ADAMTS16: variants seen among roughly 807,000 people sequenced by gnomAD.
ADAMTS16 encodes ADAM metallopeptidase with thrombospondin type 1 motif 16, also known as A disintegrin and metalloproteinase with thrombospondin motifs 16.
ADAMTS16 carries 94 observed loss-of-function variants against 145.8 expected under a neutral mutation model. That is an observed-to-expected ratio of 0.64 (90% CI 0.55 to 0.77). The LOEUF (loss-of-function observed/expected upper bound fraction) is 0.77, where lower values mean the gene tolerates loss of function less well. Ranked by LOEUF, ADAMTS16 falls within the 30% of genes least tolerant of loss-of-function variation. The probability of loss-of-function intolerance (pLI) is 0.00; values close to 1 mark genes in which losing one functional copy is unlikely to be tolerated. For synonymous variants in ADAMTS16, 659 were observed against 604.3 expected (o/e 1.09, Z -1.33); for missense variants, 1,585 against 1,591.5 (o/e 1.00, Z 0.07).
At chr5:5,256,647 GT>G (rs1196927370) in intron 17 of ADAMTS16, among the ~76,000 whole-genome samples, 1 of 152,172 alleles carries the variant, frequency 6.6e-6, no homozygotes, top group African/African-American at 2.4e-5. Flanking sequence ...GCCAACTTCT[GT>G]TTCTATTTCA....
chr5:5,242,755 G>A (rs1317842772), intron 17 of ADAMTS16, among the ~76,000 whole-genome samples: 4 of 152,204 alleles, frequency 2.6e-5, no homozygotes, highest in African/African-American at 9.7e-5. Flanking sequence ...CCTTCATACT[G>A]TAAACAATGG....
chr5:5,144,754 C>A (rs1560921600), intron 2 of ADAMTS16, among the ~76,000 whole-genome samples: 2 of 152,210 alleles, frequency 1.3e-5, no homozygotes, highest in South Asian at 4.1e-4. Context: ...GGCTATACAT[C>A]TCCTGCCACC....
At position 5,303,608 on chromosome 5, in the gene ADAMTS16, G is replaced by A; in HGVS notation, c.3028G>A (p.Ala1010Thr). The A allele has an allele frequency of 1.2e-6, 2 of 1,614,162 alleles. No individual in the cohort carries two copies. Among genetic ancestry groups the A allele is most frequent in the South Asian group, 1.1e-5 (1 of 91,086 alleles). The change falls in exon 20 of 23, where the codon GCA becomes ACA. Residue 1010 changes from alanine (A) to threonine (T), a missense_variant. Ala to Thr is a moderately conservative substitution (Grantham distance 58). Coordinates refer to ENST00000274181, the MANE Select transcript of ADAMTS16 (RefSeq NM_139056.4). ...HTCGKGWRKR[A>T]VACKSTNPSA... ...CTGTGGGAAGGGGTGGAGGAAGCGG[G>A]CAGTGGCCTGTAAGAGCACCAACCC...
intron 3 of ADAMTS16, among the ~76,000 whole-genome samples, chr5:5,147,962 T>C (rs1300848800): frequency 6.6e-6 from 1 of 152,190 alleles, no homozygotes; most frequent in African/African-American, 2.4e-5. Flanking sequence ...TGGAATCTGT[T>C]CCCTGAATCG....
chr5:5,171,588 A>G (rs953516838), intron 3 of ADAMTS16, among the ~76,000 whole-genome samples: 1 of 152,182 alleles, frequency 6.6e-6, no homozygotes, highest in African/African-American at 2.4e-5. Context: ...TGATTTGTCT[A>G]TGTTGAAGCA....
intron 3 of ADAMTS16, among the ~76,000 whole-genome samples, chr5:5,174,245 C>T (rs920602238): frequency 3.3e-5 from 5 of 152,142 alleles, no homozygotes; most frequent in African/African-American, 1.2e-4. Context: ...AAGTTTTCTT[C>T]CTTCAGCATT....
intron 18 of ADAMTS16, among the ~76,000 whole-genome samples, chr5:5,300,267 C>T (rs1403413958): frequency 6.6e-6 from 1 of 152,110 alleles, no homozygotes; most frequent in Admixed American, 6.6e-5. Flanking sequence ...AACAGGAAAG[C>T]ACACAGAAGC....
At chr5:5,216,419 G>T (rs77912928) in intron 10 of ADAMTS16, among the ~76,000 whole-genome samples, 32,728 of 151,550 alleles carry the variant, frequency 0.22, 3,766 homozygotes, top group Middle Eastern at 0.28. Flanking sequence ...GTAGATCCTG[G>T]ATATTAGTCT....
chr5:5,285,576 T>G (rs11134102), intron 18 of ADAMTS16, among the ~76,000 whole-genome samples: 45,807 of 152,134 alleles, frequency 0.3, 8,405 homozygotes, highest in East Asian at 0.57. Flanking sequence ...CACAGATTTG[T>G]TGTGAGAATT....
chr5:5,144,859 G>T (rs1343061309), intron 2 of ADAMTS16, among the ~76,000 whole-genome samples: 1 of 152,168 alleles, frequency 6.6e-6, no homozygotes, highest in African/African-American at 2.4e-5. Flanking sequence ...AGAGTTACAG[G>T]CTCTGTCTTT....
intron 17 of ADAMTS16, among the ~76,000 whole-genome samples, chr5:5,247,421 A>G (rs1373491162): frequency 1.3e-5 from 2 of 152,012 alleles, no homozygotes; most frequent in East Asian, 3.9e-4. Flanking sequence ...TTTGTTTCCC[A>G]GAGAGTGGGG....
intron 18 of ADAMTS16, among the ~76,000 whole-genome samples, chr5:5,281,883 C>A (rs1738928291): frequency 6.6e-6 from 1 of 152,106 alleles, no homozygotes. Flanking sequence ...AATACAGACA[C>A]ATATCTGTGT....
chr5:5,272,093 C>A (rs1205717035), intron 18 of ADAMTS16, among the ~76,000 whole-genome samples: 1 of 152,128 alleles, frequency 6.6e-6, no homozygotes, highest in African/African-American at 2.4e-5. Flanking sequence ...CGTGAAAATA[C>A]TAATCACCCA....
intron 11 of ADAMTS16, among the ~76,000 whole-genome samples, chr5:5,229,254 C>T (rs932304728): frequency 1.5e-4 from 22 of 147,048 alleles, no homozygotes; most frequent in African/African-American, 2.3e-4. Flanking sequence ...GCCGAGATTG[C>T]GCCACTGCAG....
intron 3 of ADAMTS16, 75 bp from the exon 4 acceptor site, chr5:5,181,969 A>G (rs1035636668): frequency 1.4e-6 from 2 of 1,463,792 alleles, no homozygotes; most frequent in Non-Finnish European, 1.8e-6. Context: ...AACAAATGCA[A>G]TGCTTGGAGA....
chr5:5,268,456 G>A (rs1417337886), intron 18 of ADAMTS16, among the ~76,000 whole-genome samples: 1 of 152,144 alleles, frequency 6.6e-6, no homozygotes, highest in African/African-American at 2.4e-5. Flanking sequence ...TACTGCTGTG[G>A]TCAGTTTGTC....
At position 5,319,056 on chromosome 5, in the gene ADAMTS16, A is replaced by C; in HGVS notation, c.3593A>C (p.Tyr1198Ser). The C allele has an allele frequency of 6.2e-7, 1 of 1,613,416 alleles. No homozygotes were observed. The highest frequency in any genetic ancestry group is 8.5e-7 in the Non-Finnish European group (1 of 1,179,816). ...AFCKDYFHWCYLVPQHGMCSH... is the reference protein window; with the variant it reads ...AFCKDYFHWCSLVPQHGMCSH... ...TGCAAAGACTACTTCCACTGGTGCT[A>C]CCTGGTACCCCAGCACGGGATGTGC... The change falls in exon 23 of 23, where the codon TAC becomes TCC. Residue 1198 changes from tyrosine to serine, a missense_variant. Transcript: ENST00000274181.
Position 5,269,532 on chromosome 5 carries a change from G to C in ADAMTS16, c.2789+6749G>C, listed in dbSNP as rs1738385768. ...TCTCCACCTGGGACCTCAGACTAAA[G>C]AGAAGGAAGCAATGACCAGCCCTTC... On this transcript the variant is annotated intron_variant, in intron 18 of 22. Coordinates refer to ENST00000274181, the MANE Select transcript of ADAMTS16 (RefSeq NM_139056.4). This position sits in a 1 kb window ranked among gnomAD's most constrained non-coding sequence, Gnocchi z 4.3. Among the ~76,000 whole-genome samples the C allele has an allele frequency of 6.6e-6, 1 of 152,120 alleles. No individual in the cohort carries two copies. The highest frequency in any genetic ancestry group is 1.5e-5 in the Non-Finnish European group (1 of 68,030).
intron 3 of ADAMTS16, among the ~76,000 whole-genome samples, chr5:5,160,769 A>C (rs1200999546): frequency 2.0e-5 from 3 of 151,988 alleles, no homozygotes; most frequent in Admixed American, 6.6e-5. Context: ...AAAAAAAAAA[A>C]AAACCAGCTT....
Sources: gnomAD v4.1 joint callset for allele counts (sites outside exome capture counted in the v4.1 genomes callset) on GRCh38, gnomAD v4.1.1 for gene constraint, Gnocchi (gnomAD v3.1) non-coding constraint, MANE v1.5 for transcripts, NCBI Gene and HGNC (gene_info 2026-07-23, HGNC 2026-07-21) for gene names.